Variants in GLRA3 observed in about 807,000 individuals in gnomAD.
GLRA3 encodes glycine receptor subunit alpha-3.
In GLRA3, 44 loss-of-function variants were observed where a neutral mutation model predicts 60.4. The ratio of observed to expected loss-of-function variants is 0.73; its 90% CI spans 0.57 to 0.94. The LOEUF (loss-of-function observed/expected upper bound fraction) is 0.94. GLRA3 is among the 40% of genes least tolerant of loss of function. GLRA3 has a pLI of 0.00. For missense variants in GLRA3, 508 were observed against 564.6 expected (o/e 0.90, Z 1.02); for synonymous variants, 223 against 192.9 (o/e 1.16, Z -1.29).
chr4:174,728,176 A>G (rs1281837084), intron 4 of GLRA3, among the ~76,000 whole-genome samples: 1 of 152,238 alleles, frequency 6.6e-6, no homozygotes, highest in African/African-American at 2.4e-5. Flanking sequence ...ACAATGCATG[A>G]TTCAGCTGCC....
At chr4:174,757,117 C>T (rs868207674) in intron 3 of GLRA3, among the ~76,000 whole-genome samples, 7 of 152,130 alleles carry the variant, frequency 4.6e-5, no homozygotes, top group African/African-American at 2.4e-5. Flanking sequence ...TAACAGTTTG[C>T]ATTAACATAT....
At chr4:174,704,511 T>C (rs761189572) in intron 5 of GLRA3, among the ~76,000 whole-genome samples, 1 of 143,628 alleles carries the variant, frequency 7.0e-6, no homozygotes, top group Non-Finnish European at 1.5e-5. Flanking sequence ...GAGTATAAGA[T>C]GGTGCAGCTG....
chr4:174,738,547 C>T (rs1239277338), intron 3 of GLRA3, among the ~76,000 whole-genome samples: 1 of 152,164 alleles, frequency 6.6e-6, no homozygotes, highest in Non-Finnish European at 1.5e-5. Context: ...TGAGGAAATT[C>T]ATATTTTGTT....
chr4:174,751,061 G>A (rs11933585), intron 3 of GLRA3, among the ~76,000 whole-genome samples: 96,304 of 138,794 alleles, frequency 0.69, 32,500 homozygotes, highest in East Asian at 0.78. Flanking sequence ...CTGTCTGTCT[G>A]TCTATCTATC....
chr4:174,702,669 G>C (rs529091137), intron 5 of GLRA3, among the ~76,000 whole-genome samples: 6 of 152,284 alleles, frequency 3.9e-5, no homozygotes, highest in Non-Finnish European at 8.8e-5. Context: ...CTGGGCTCAA[G>C]TGGTCCTTTC....
rs2110833255 is a variant in GLRA3 at position 174,643,046 on chromosome 4, C to T, written c.*740G>A. The T allele has an allele frequency of 1.0e-6, 1 of 956,268 alleles. No individual in the cohort carries two copies. The highest frequency in any genetic ancestry group is 1.1e-4 in the East Asian group (1 of 8,698). 59.2% of individuals were successfully genotyped at this position (956,268 alleles called of 1,614,324 possible). A position where few individuals can be genotyped will look rare whatever the true frequency, so the allele number is the denominator to read the frequency against. ...TTTGGCAATAACTAAAAATACATAG[C>T]TATAATACTTATTTAAAAACAAAGT... On this transcript the variant is annotated 3_prime_UTR_variant, in exon 10 of 10. Transcript: ENST00000274093.
chr4:174,710,160 C>T (rs1280637091), intron 5 of GLRA3, among the ~76,000 whole-genome samples: 3 of 151,694 alleles, frequency 2.0e-5, no homozygotes, highest in African/African-American at 4.8e-5. Flanking sequence ...TTTTGGTGGT[C>T]GTTTTCTATG....
chr4:174,797,709 G>A (rs1206769065), intron 1 of GLRA3, among the ~76,000 whole-genome samples: 1 of 151,930 alleles, frequency 6.6e-6, no homozygotes, highest in East Asian at 1.9e-4. Flanking sequence ...AAGGTGGGAG[G>A]ATGACTGAGT....
chr4:174,728,733 AC>A (rs1250180140), intron 3 of GLRA3, 35 bp from the exon 4 acceptor site: 1 of 1,206,386 alleles, frequency 8.3e-7, no homozygotes, highest in Non-Finnish European at 1.2e-6. Context: ...AAAAAAAAAA[AC>A]CCTGCTTTAA....
At chr4:174,691,795 G>A (rs1186821609) in intron 5 of GLRA3, among the ~76,000 whole-genome samples, 1 of 152,190 alleles carries the variant, frequency 6.6e-6, no homozygotes, top group Non-Finnish European at 1.5e-5. Flanking sequence ...CAAGATTGCA[G>A]CCTCTGCCCG....
At position 174,640,967 on chromosome 4, in the gene GLRA3, T is replaced by G. The variant is rs1049443848; in HGVS notation, c.*2819A>C. 2.0e-5 allele frequency: 3 copies of G among 149,318 alleles called. No individual in the cohort carries two copies. Among genetic ancestry groups the G allele is most frequent in the Non-Finnish European group, 4.5e-5 (3 of 66,572 alleles). 9.2% of individuals were successfully genotyped at this position (149,318 alleles called of 1,614,324 possible). A position where few individuals can be genotyped will look rare whatever the true frequency, so the allele number is the denominator to read the frequency against. Reference sequence around the variant, plus strand: ...TGACTCTTGAATCTATTTAAAGTTGTAAAGTAAGTTCTAGAGCCTCATTAT... The same window carrying G: ...TGACTCTTGAATCTATTTAAAGTTGGAAAGTAAGTTCTAGAGCCTCATTAT... On this transcript the variant is annotated 3_prime_UTR_variant, in exon 10 of 10. Transcript: ENST00000274093.
intron 8 of GLRA3, among the ~76,000 whole-genome samples, chr4:174,657,799 C>T (rs965486309): frequency 6.6e-5 from 10 of 152,056 alleles, no homozygotes; most frequent in African/African-American, 1.7e-4. Flanking sequence ...AAAAGATATG[C>T]GTCTGTTTTC....
rs1046794681 is a variant in GLRA3, at chr4:174,829,031, T to A, written c.-220A>T. On this transcript the variant is annotated 5_prime_UTR_variant, in exon 1 of 10. Transcript: ENST00000274093. ...AGTGTTATAAATGTGCAGGTGATTT[T>A]TACAGTGAAATTACAAAAATGAGTG... 2.1e-6 allele frequency: 1 copy of A among 484,060 alleles called. No homozygotes were observed. The highest frequency in any genetic ancestry group is 3.7e-6 in the Non-Finnish European group (1 of 270,206). 30.0% of individuals were successfully genotyped at this position (484,060 alleles called of 1,614,324 possible). A position where few individuals can be genotyped will look rare whatever the true frequency, so the allele number is the denominator to read the frequency against.
chr4:174,782,066 C>T (rs1436765128), intron 2 of GLRA3, among the ~76,000 whole-genome samples: 1 of 148,076 alleles, frequency 6.8e-6, no homozygotes, highest in Non-Finnish European at 1.5e-5. Flanking sequence ...CAAAAATCCT[C>T]AATAAAATAC....
intron 2 of GLRA3, among the ~76,000 whole-genome samples, chr4:174,778,176 C>T (rs956958012): frequency 2.0e-5 from 3 of 152,220 alleles, no homozygotes; most frequent in East Asian, 1.9e-4. Flanking sequence ...CTGTGGTCTG[C>T]GCCTGGGGAT....
At chr4:174,698,615 T>G (rs2111038776) in intron 5 of GLRA3, among the ~76,000 whole-genome samples, 1 of 152,326 alleles carries the variant, frequency 6.6e-6, no homozygotes, top group Non-Finnish European at 1.5e-5. Flanking sequence ...GATGATCCAC[T>G]TCAAATTCAT....
chr4:174,642,079 A>T lies in GLRA3; in HGVS notation c.*1707T>A. On this transcript the variant is annotated 3_prime_UTR_variant, in exon 10 of 10. Transcript: ENST00000274093. Reference sequence around the variant, plus strand: ...ATGCCAAACATGATATTATTTCCTTATAGTGTTGTTTTAAGTTACTTATAA... The same window carrying T: ...ATGCCAAACATGATATTATTTCCTTTTAGTGTTGTTTTAAGTTACTTATAA... 1.2e-6 allele frequency: 1 copy of T among 856,602 alleles called. No individual in the cohort carries two copies. The highest frequency in any genetic ancestry group is 1.4e-6 in the Non-Finnish European group (1 of 712,664). The allele number at this position is 856,602 out of a possible 1,614,324, so 53.1% of individuals were successfully genotyped here.
chr4:174,700,637 G>A (rs779891387), intron 5 of GLRA3, among the ~76,000 whole-genome samples: 10 of 152,174 alleles, frequency 6.6e-5, no homozygotes, highest in Admixed American at 2.0e-4. Flanking sequence ...AAAGCTAGGC[G>A]TCTGGCACCT....
intron 5 of GLRA3, among the ~76,000 whole-genome samples, chr4:174,703,015 A>G (rs1735384202): frequency 6.6e-6 from 1 of 152,202 alleles, no homozygotes; most frequent in Non-Finnish European, 1.5e-5. Context: ...ACACTTGGGC[A>G]AGGTTTTGCT....
Sources: allele counts gnomAD v4.1 joint callset (sites outside exome capture counted in the v4.1 genomes callset), GRCh38; gene constraint gnomAD v4.1.1; transcripts MANE v1.5; gene names NCBI Gene and HGNC (gene_info 2026-07-23, HGNC 2026-07-21).